The following GSE1 variants were observed in gnomAD, a reference collection of about 807,000 sequenced individuals.
The protein encoded by GSE1 is genetic suppressor element 1.
Under a neutral mutation model 112.6 loss-of-function variants are expected in GSE1, and 32 were observed. The ratio of observed to expected loss-of-function variants is 0.28; its 90% CI spans 0.21 to 0.38. GSE1 has a LOEUF of 0.38. GSE1 is among the 10% of genes least tolerant of loss of function. GSE1 has a pLI of 1.00. For missense variants in GSE1, 2,348 were observed against 1,699.2 expected, an observed-to-expected ratio of 1.38 and a Z score of -6.71; for synonymous variants, 1,115 against 735.6, an observed-to-expected ratio of 1.52 and a Z score of -8.35.
chr16:85,377,919 C>T (rs2047456081), intron 2 of GSE1, among the ~76,000 whole-genome samples: 1 of 152,228 alleles, frequency 6.6e-6, no homozygotes, highest in Non-Finnish European at 1.5e-5. Context: ...AGGGCCTGGC[C>T]GCTCCTTGGG....
chr16:85,357,395 A>G, intron 1 of GSE1: 1 of 975,706 alleles, frequency 1.0e-6, no homozygotes. Context: ...ATGGCCAGAG[A>G]GTCCATTCAT....
At position 85,535,187 on chromosome 16, in the gene GSE1, A is replaced by T. The variant is rs1243481932; in HGVS notation, c.2465-98727A>T. ...CACCAGCCTGGGGGAGGCATGAGGA[A>T]GGCTTGCCCTGTGTGCTCCCGGCTG... On this transcript the variant is annotated intron_variant, in intron 2 of 2. Coordinates refer to the GSE1 transcript ENST00000637419. 2.6e-5 allele frequency among the ~76,000 whole-genome samples: 4 copies of T among 152,300 alleles called. No homozygotes were observed. In the East Asian group the frequency reaches 7.7e-4, roughly 29 times the overall value.
chr16:85,221,334 A>ACACCCC (rs1555542467), intron 1 of GSE1, among the ~76,000 whole-genome samples: 3 of 148,172 alleles, frequency 2.0e-5, no homozygotes, highest in African/African-American at 7.4e-5. Flanking sequence ...ACACACACAC[A>ACACCCC]CCCCAAGTAC....
intron 2 of GSE1, among the ~76,000 whole-genome samples, chr16:85,462,870 C>G (rs2050011502): frequency 2.0e-5 from 3 of 149,218 alleles, no homozygotes; most frequent in Non-Finnish European, 3.0e-5. Context: ...CCTCCCCGGG[C>G]TCCACGCCGC....
chr16:85,438,390 G>A (rs542831436), intron 2 of GSE1, among the ~76,000 whole-genome samples: 47 of 152,312 alleles, frequency 3.1e-4, no homozygotes, highest in Middle Eastern at 3.4e-3. Context: ...GGCGCACCCC[G>A]CTCTGTTCTT....
exon 1 of GSE1, chr16:85,170,390 C>T: frequency 2.0e-6 from 2 of 985,512 alleles, no homozygotes; most frequent in South Asian, 4.7e-5. Context: ...GAGGCCCCTG[C>T]AGACGGCATG....
chr16:85,285,069 A>G (rs1247263750), intron 1 of GSE1: 4 of 152,252 alleles, frequency 2.6e-5, no homozygotes, highest in Non-Finnish European at 5.9e-5. Flanking sequence ...CATCGTTTCA[A>G]AGTATCTCTC....
intron 2 of GSE1, among the ~76,000 whole-genome samples, chr16:85,540,732 T>C (rs915514154): frequency 6.6e-6 from 1 of 151,976 alleles, no homozygotes; most frequent in Non-Finnish European, 1.5e-5. Flanking sequence ...CTGAGCAACA[T>C]GGTGAGACCC....
chr16:85,664,666 T>TG (rs2052692514), intron 11 of GSE1: 1 of 212,728 alleles, frequency 4.7e-6, no homozygotes, highest in African/African-American at 2.3e-5. Context: ...CCTGGGTCTT[T>TG]GGGGTGTTTC....
intron 2 of GSE1, among the ~76,000 whole-genome samples, chr16:85,509,791 G>A (rs769078165): frequency 3.3e-5 from 5 of 152,202 alleles, no homozygotes; most frequent in Non-Finnish European, 7.3e-5. Context: ...ATGTGTGTGT[G>A]TGAGTCCCTT....
intron 1 of GSE1, among the ~76,000 whole-genome samples, chr16:85,263,634 G>A (rs1438261831): frequency 6.6e-6 from 1 of 151,644 alleles, no homozygotes; most frequent in Non-Finnish European, 1.5e-5. Context: ...GTGCAATGGA[G>A]TGATTTTGGC....
Position 85,201,719 on chromosome 16 carries a change from T to C in GSE1, c.2283+29912T>C, listed in dbSNP as rs545794317. The stretch of plus-strand genomic sequence containing the variant: ...GGCCGCTGACCACTGACTCAAGCCC[T>C]GGCTGGGTCCTGGCCGTGCCCCACA... On this transcript the variant is annotated intron_variant, in intron 1 of 2. Coordinates refer to the GSE1 transcript ENST00000637419. Among the ~76,000 whole-genome samples, 5 of 152,046 alleles carry C rather than the reference T, an allele frequency of 3.3e-5. No homozygotes were observed. The South Asian group carries it at 1.0e-3, about 32-fold the overall frequency.
intron 2 of GSE1, among the ~76,000 whole-genome samples, chr16:85,510,808 G>A (rs1567548560): frequency 3.3e-5 from 1 of 30,636 alleles, no homozygotes; most frequent in Admixed American, 4.0e-4. Context: ...CTGCCTCACA[G>A]GCCTCATGGC....
chr16:85,478,025 GCTC>G (rs1040916876), intron 2 of GSE1, among the ~76,000 whole-genome samples: 1 of 152,046 alleles, frequency 6.6e-6, no homozygotes, highest in Non-Finnish European at 1.5e-5. Flanking sequence ...GTCACTCCGC[GCTC>G]CTCATTTCTG....
intron 1 of GSE1, among the ~76,000 whole-genome samples, chr16:85,319,781 C>T (rs528887023): frequency 3.2e-4 from 48 of 152,274 alleles, no homozygotes; most frequent in African/African-American, 1.2e-3. Flanking sequence ...CATCTTATAC[C>T]TTTTAGACCT....
intron 1 of GSE1, among the ~76,000 whole-genome samples, chr16:85,288,662 T>TGG (rs2045114382): frequency 3.9e-5 from 6 of 152,148 alleles, no homozygotes; most frequent in Admixed American, 3.9e-4. Flanking sequence ...TATTCTGTCC[T>TGG]GGGGGCTGGG....
chr16:85,394,853 C>T (rs144866126), intron 2 of GSE1, among the ~76,000 whole-genome samples: 2,079 of 152,224 alleles, frequency 0.014, 63 homozygotes, highest in African/African-American at 0.048. Flanking sequence ...CTTGGGCACA[C>T]GGTTTCTGGG....
intron 1 of GSE1, chr16:85,207,854 G>C (rs1028697416): frequency 6.6e-6 from 1 of 152,290 alleles, no homozygotes; most frequent in East Asian, 1.9e-4. Context: ...CAAACCCACA[G>C]AGGCTTTCAG....
intron 2 of GSE1, among the ~76,000 whole-genome samples, chr16:85,476,999 A>T (rs2050478788): frequency 6.8e-6 from 1 of 146,816 alleles, no homozygotes; most frequent in Non-Finnish European, 1.5e-5. Flanking sequence ...ATCTCTACTA[A>T]CTGCAACCTC....
Sources: gnomAD v4.1 joint callset for allele counts (sites outside exome capture counted in the v4.1 genomes callset) on GRCh38, gnomAD v4.1.1 for gene constraint, MANE v1.5 for transcripts, NCBI Gene and HGNC (gene_info 2026-07-23, HGNC 2026-07-21) for gene names.